Variants in ZNF624 observed in about 807,000 individuals in gnomAD.
ZNF624 encodes zinc finger protein 624.
A neutral mutation model predicts 74.7 loss-of-function variants in ZNF624; 43 were observed. That is an observed-to-expected ratio of 0.58 (90% CI 0.45 to 0.74). The LOEUF (loss-of-function observed/expected upper bound fraction) is 0.74. ZNF624 is among the 30% of genes least tolerant of loss of function. ZNF624 has a pLI of 0.00. For missense variants in ZNF624, 820 were observed against 1,030.0 expected, an observed-to-expected ratio of 0.80 and a Z score of 2.79; for synonymous variants, 331 against 341.3, an observed-to-expected ratio of 0.97 and a Z score of 0.33.
intron 2 of ZNF624, among the ~76,000 whole-genome samples, chr17:16,648,235 C>A (rs1278350457): frequency 2.0e-5 from 3 of 152,248 alleles, no homozygotes; most frequent in African/African-American, 7.2e-5. Flanking sequence ...TGAGCCACTG[C>A]GCCCAGCCCA....
intron 3 of ZNF624, among the ~76,000 whole-genome samples, chr17:16,641,382 A>G (rs1326062127): frequency 2.0e-5 from 3 of 152,060 alleles, no homozygotes; most frequent in African/African-American, 7.2e-5. Context: ...TCCCCAGTTC[A>G]AGGGATCCTC....
chr17:16,624,853 C>CAAAAAAAAAAAAAAAAAAAA (rs59170659), intron 5 of ZNF624: 3 of 43,954 alleles, frequency 6.8e-5, no homozygotes, highest in African/African-American at 3.2e-4. Flanking sequence ...CCTGTCTCTA[C>CAAAAAAAAAAAAAAAAAAAA]AAAAAAAAAA....
At chr17:16,631,038 T>G (rs1241948848) in intron 5 of ZNF624, among the ~76,000 whole-genome samples, 2 of 152,138 alleles carry the variant, frequency 1.3e-5, no homozygotes, top group Non-Finnish European at 1.5e-5. Flanking sequence ...ACAAAATGTT[T>G]ACAAAATTCT....
chr17:16,617,347 A>G (rs1035472054), downstream of ZNF624: 4 of 1,613,592 alleles, frequency 2.5e-6, no homozygotes, highest in African/African-American at 1.3e-5. Context: ...CTTATCTTCA[A>G]TAAGCCTAAT....
downstream of ZNF624, chr17:16,617,332 C>T (rs1201653671): frequency 4.3e-6 from 7 of 1,613,554 alleles, no homozygotes; most frequent in African/African-American, 6.7e-5. Context: ...ATGGCTTGTG[C>T]GTGGCTTATC....
chr17:16,637,086 C>T (rs1280740641), intron 3 of ZNF624, among the ~76,000 whole-genome samples: 2 of 152,140 alleles, frequency 1.3e-5, no homozygotes, highest in Admixed American at 6.5e-5. Flanking sequence ...AACAGACAAA[C>T]AGAGAACCAA....
intron 5 of ZNF624, chr17:16,624,836 G>C: frequency 1.5e-5 from 1 of 67,766 alleles, no homozygotes; most frequent in Non-Finnish European, 2.5e-5. Flanking sequence ...GGGCAATATA[G>C]CAAAACCCTG....
In ZNF624 at chr17:16,647,409, G is replaced by C. The variant is rs750875630; in HGVS notation, c.88-15C>G. ...ACTTCAGGGCTCTGATGGGATACAG[G>C]ATAAGATCATTCAGTGATAGGCTGC... On this transcript the variant is annotated splice_polypyrimidine_tract_variant and intron_variant, in intron 2 of 5. Coordinates refer to ENST00000311331, the MANE Select transcript of ZNF624 (RefSeq NM_020787.4). 15 of 1,613,054 alleles carry C rather than the reference G, an allele frequency of 9.3e-6. 1 individual carries two copies. The South Asian group carries it at 9.9e-5, about 11-fold the overall frequency.
intron 2 of ZNF624, among the ~76,000 whole-genome samples, chr17:16,647,755 A>G (rs1909628287): frequency 6.6e-6 from 1 of 152,144 alleles, no homozygotes; most frequent in African/African-American, 2.4e-5. Flanking sequence ...AATAACACTC[A>G]AAACCTACTA....
intron 5 of ZNF624, among the ~76,000 whole-genome samples, chr17:16,628,406 A>G (rs72637357): frequency 0.097 from 14,754 of 152,268 alleles, 1,048 homozygotes; most frequent in East Asian, 0.35. Flanking sequence ...AATAACTAGG[A>G]TAACTATATT....
downstream of ZNF624, chr17:16,617,005 G>T: frequency 6.2e-7 from 1 of 1,607,344 alleles, no homozygotes; most frequent in Non-Finnish European, 8.5e-7. Flanking sequence ...CCTTGATCTG[G>T]ATTTTGACTT....
intron 5 of ZNF624, 24 bp downstream of exon 5, chr17:16,633,838 T>G: frequency 6.4e-7 from 1 of 1,559,774 alleles, no homozygotes; most frequent in Non-Finnish European, 8.8e-7. Flanking sequence ...ATAAATCCCA[T>G]CTTCTTGGTT....
In ZNF624 at chr17:16,637,111, C is replaced by G. The variant is rs191024649; in HGVS notation, c.154-2355G>C. On this transcript the variant is annotated intron_variant, in intron 3 of 5. Transcript: ENST00000311331. The stretch of plus-strand genomic sequence containing the variant: ...CAGAGAACCAAATCATGAGTGAACT[C>G]ACATTCACAATTGTTTCAAAGAGAA... Among the ~76,000 whole-genome samples, 455 of 152,278 alleles carry G rather than the reference C, an allele frequency of 3.0e-3. 5 individuals are homozygous for G. The highest frequency in any genetic ancestry group is 0.01 in the African/African-American group (431 of 41,552).
rs893475510 is a variant in ZNF624 at position 16,637,157 on chromosome 17, C to T, written c.154-2401G>A. Reference sequence around the variant, plus strand: ...GAGAATAAAATACCTAGGAATCCAACTTACAAGGGATGTGAAGGACCTCTT... The same window carrying T: ...GAGAATAAAATACCTAGGAATCCAATTTACAAGGGATGTGAAGGACCTCTT... On this transcript the variant is annotated intron_variant, in intron 3 of 5. Coordinates refer to ENST00000311331, the MANE Select transcript of ZNF624 (RefSeq NM_020787.4). Among the ~76,000 whole-genome samples, 13 of 152,230 alleles carry T rather than the reference C, an allele frequency of 8.5e-5. No individual in the cohort carries two copies. In the East Asian group the frequency reaches 2.1e-3, roughly 25 times the overall value.
chr17:16,638,415 G>A (rs529598576), intron 3 of ZNF624, among the ~76,000 whole-genome samples: 6 of 152,284 alleles, frequency 3.9e-5, no homozygotes, highest in East Asian at 1.9e-4. Context: ...ACATGCACAC[G>A]TATGTTTACT....
At position 16,622,206 on chromosome 17, in the gene ZNF624, G is replaced by T; in HGVS notation, c.*82C>A. On this transcript the variant is annotated 3_prime_UTR_variant, in exon 6 of 6. Transcript: ENST00000311331. ...GTATACTTTCTGATAAATTCCTAATGAAGATTTTCCTATATTCATAAAATA... is the reference window on the plus strand; with the variant it reads ...GTATACTTTCTGATAAATTCCTAATTAAGATTTTCCTATATTCATAAAATA... 1 of 1,092,812 alleles carries T rather than the reference G, an allele frequency of 9.2e-7. No homozygotes were observed. The highest frequency in any genetic ancestry group is 1.3e-6 in the Non-Finnish European group (1 of 792,296). 67.7% of individuals were successfully genotyped at this position (1,092,812 alleles called of 1,614,324 possible). A position where few individuals can be genotyped will look rare whatever the true frequency, so the allele number is the denominator to read the frequency against.
intron 3 of ZNF624, 109 bp from the exon 4 acceptor site, chr17:16,634,865 A>T (rs1265080709): frequency 1.3e-5 from 13 of 1,009,414 alleles, no homozygotes; most frequent in Non-Finnish European, 1.9e-5. Flanking sequence ...TCACCAAATG[A>T]TCATGTAGGT....
chr17:16,619,399 G>A (rs577370847), downstream of ZNF624, among the ~76,000 whole-genome samples: 16 of 152,296 alleles, frequency 1.1e-4, no homozygotes, highest in African/African-American at 3.9e-4. Flanking sequence ...ATCATTTAGA[G>A]AGTGAAAAGG....
At chr17:16,630,172 G>A (rs1478571454) in intron 5 of ZNF624, among the ~76,000 whole-genome samples, 49 of 152,010 alleles carry the variant, frequency 3.2e-4, no homozygotes, top group Admixed American at 3.2e-3. Flanking sequence ...CCTTTGAAAT[G>A]TTGAAAGAAT....
Sources: allele counts gnomAD v4.1 joint callset (sites outside exome capture counted in the v4.1 genomes callset), GRCh38; gene constraint gnomAD v4.1.1; transcripts MANE v1.5; gene names NCBI Gene and HGNC (gene_info 2026-07-23, HGNC 2026-07-21).